RUVBL1: variants seen among roughly 807,000 people sequenced by gnomAD.
RUVBL1 encodes the protein RuvB like AAA ATPase 1.
A neutral mutation model predicts 52.4 loss-of-function variants in RUVBL1; 4 were observed. The observed-to-expected ratio is 0.08, with a 90% CI of 0.04 to 0.17. RUVBL1 has a LOEUF of 0.17. Ranked by LOEUF, RUVBL1 falls within the 10% of genes least tolerant of loss-of-function variation. The probability of loss-of-function intolerance (pLI) is 1.00; values close to 1 mark genes in which losing one functional copy is unlikely to be tolerated. For missense variants in RUVBL1, 298 were observed against 572.8 expected (o/e 0.52, Z 4.90); for synonymous variants, 217 against 214.4 (o/e 1.01, Z -0.10).
intron 3 of RUVBL1, among the ~76,000 whole-genome samples, chr3:128,105,690 G>A (rs960758966): frequency 1.3e-5 from 2 of 152,080 alleles, no homozygotes; most frequent in African/African-American, 4.8e-5. Flanking sequence ...TGAAACCTGA[G>A]CAGAACATAC....
intron 1 of RUVBL1, among the ~76,000 whole-genome samples, chr3:128,147,096 A>T (rs1365450884): frequency 6.6e-6 from 1 of 152,164 alleles, no homozygotes; most frequent in Non-Finnish European, 1.5e-5. Context: ...TATTGAGACA[A>T]GGTTTTGCTC....
chr3:128,143,068 A>G (rs938059560), intron 1 of RUVBL1, among the ~76,000 whole-genome samples: 1 of 151,166 alleles, frequency 6.6e-6, no homozygotes, highest in African/African-American at 2.4e-5. Flanking sequence ...GGCCTGAGCC[A>G]CAGTGCCCAG....
intron 1 of RUVBL1, among the ~76,000 whole-genome samples, chr3:128,131,063 G>A (rs1943870798): frequency 6.6e-6 from 1 of 151,994 alleles, no homozygotes. Flanking sequence ...AGGCTGTAGT[G>A]AGCTTTGATC....
chr3:128,153,687 G>A (rs560827533), exon 1 of RUVBL1: 2 of 1,591,954 alleles, frequency 1.3e-6, no homozygotes, highest in Non-Finnish European at 1.7e-6. Flanking sequence ...CGGTGCCGCT[G>A]CCCGCGCGCC....
chr3:128,119,376 T>C lies in RUVBL1; in HGVS notation c.180A>G (p.Lys60=). 6.2e-7 allele frequency: 1 copy of C among 1,614,004 alleles called. No homozygotes were observed. The highest frequency in any genetic ancestry group is 8.5e-7 in the Non-Finnish European group (1 of 1,179,948). Residue 60 remains lysine, a synonymous_variant, in exon 2 of 11, where the codon AAA becomes AAG. Transcript: ENST00000322623. ...CCAACAAGACAGCTCTTCCAGCCAT[T>C]TTCTTGCTTTTGATTAATTCTACTA... ...GVIVELIKSK[K]MAGRAVLLAG... is the part of the protein sequence containing the mutation.
chr3:128,118,307 T>C (rs942492421), intron 2 of RUVBL1, among the ~76,000 whole-genome samples: 12 of 152,144 alleles, frequency 7.9e-5, no homozygotes, highest in Non-Finnish European at 8.8e-5. Flanking sequence ...ATAGCACTTC[T>C]TCCTCTTGTA....
chr3:128,118,160 T>A (rs1943569248), intron 2 of RUVBL1, among the ~76,000 whole-genome samples: 3 of 151,972 alleles, frequency 2.0e-5, no homozygotes, highest in Admixed American at 2.0e-4. Flanking sequence ...AGCAAGCAAA[T>A]AAATGGTAAA....
intron 3 of RUVBL1, among the ~76,000 whole-genome samples, chr3:128,111,431 T>C (rs1257944826): frequency 6.6e-6 from 1 of 152,090 alleles, no homozygotes; most frequent in Non-Finnish European, 1.5e-5. Flanking sequence ...TGGCCAAACC[T>C]GGGAATTTTC....
chr3:128,098,819 G>T, intron 7 of RUVBL1, 63 bp downstream of exon 7: 1 of 1,376,446 alleles, frequency 7.3e-7, no homozygotes, highest in Non-Finnish European at 1.0e-6. Flanking sequence ...AGCCGCAAGA[G>T]CATCTCAGAA....
At chr3:128,075,790 G>A (rs1248915266) in intron 9 of RUVBL1, 1 of 152,248 alleles carries the variant, frequency 6.6e-6, no homozygotes, top group Non-Finnish European at 1.5e-5. Context: ...AGCTCCCGCG[G>A]GGTGCCTCGC....
In RUVBL1 at chr3:128,149,358, T is replaced by C. The variant is rs556725424; in HGVS notation, c.-40+3845A>G. Among the ~76,000 whole-genome samples the C allele has an allele frequency of 6.6e-5, 10 of 152,234 alleles. No individual in the cohort carries two copies. The South Asian group carries it at 2.1e-3, about 32-fold the overall frequency. ...CACCACCATGCCTGGCTAATTTTTG[T>C]ACTTTTAGTAGAGACGGGGTTTTGC... On this transcript the variant is annotated intron_variant, in intron 1 of 9. Coordinates refer to the RUVBL1 transcript ENST00000464873.
intron 3 of RUVBL1, among the ~76,000 whole-genome samples, chr3:128,109,314 G>A (rs560634639): frequency 6.6e-6 from 1 of 152,290 alleles, no homozygotes; most frequent in South Asian, 2.1e-4. Flanking sequence ...GTGGGGCCAA[G>A]GCAAAAGGAT....
intron 9 of RUVBL1, among the ~76,000 whole-genome samples, chr3:128,086,816 C>T (rs1942657253): frequency 6.6e-6 from 1 of 152,284 alleles, no homozygotes. Context: ...AAGCAAGAGG[C>T]AATTCCTACA....
intron 3 of RUVBL1, among the ~76,000 whole-genome samples, chr3:128,106,728 T>C (rs965493409): frequency 6.6e-6 from 1 of 152,186 alleles, no homozygotes; most frequent in Admixed American, 6.5e-5. Context: ...GCAGATACAT[T>C]TACATGTTCT....
Position 128,150,884 on chromosome 3 carries a change from T to TTATATATA in RUVBL1, c.-40+2318_-40+2319insTATATATA, listed in dbSNP as rs1222687206. ...ATATATTATATATATATATTCTATA[T>TTATATATA]ATATATTCTATATATATAATATAAT... On this transcript the variant is annotated intron_variant, in intron 1 of 9. Transcript: ENST00000464873. Among the ~76,000 whole-genome samples the TTATATATA allele has an allele frequency of 1.1e-3, 98 of 85,278 alleles. 3 individuals are homozygous for TTATATATA. The highest frequency in any genetic ancestry group is 2.6e-3 in the Admixed American group (13 of 4,964). 55.9% of individuals were successfully genotyped at this position (85,278 alleles called of 152,430 possible). A position where few individuals can be genotyped will look rare whatever the true frequency, so the allele number is the denominator to read the frequency against.
At chr3:128,105,214 T>C (rs1282266406) in intron 3 of RUVBL1, among the ~76,000 whole-genome samples, 1 of 149,904 alleles carries the variant, frequency 6.7e-6, no homozygotes, top group Non-Finnish European at 1.5e-5. Context: ...CCCGGTTCAC[T>C]CCATTCTCCT....
intron 1 of RUVBL1, among the ~76,000 whole-genome samples, chr3:128,150,917 A>ATT (rs1276281342): frequency 2.4e-5 from 2 of 84,446 alleles, no homozygotes; most frequent in African/African-American, 9.4e-5. Flanking sequence ...AATATTCTAT[A>ATT]TTATATATAT....
At position 128,081,186 on chromosome 3, in the gene RUVBL1, C is replaced by T. The variant is rs1942463122; in HGVS notation, c.*64G>A. On this transcript the variant is annotated 3_prime_UTR_variant, in exon 11 of 11. Coordinates refer to ENST00000322623, the MANE Select transcript of RUVBL1 (RefSeq NM_003707.3). This position sits in a 1 kb window ranked among gnomAD's most constrained non-coding sequence, Gnocchi z 4.8. Reference sequence around the variant, plus strand: ...CAGCCCCAAGCCCAGGGGCAAGCGCCCACAGGCTGGACCCAGGCCAGGCAC... The same window carrying T: ...CAGCCCCAAGCCCAGGGGCAAGCGCTCACAGGCTGGACCCAGGCCAGGCAC... The T allele has an allele frequency of 3.2e-6, 5 of 1,559,778 alleles. 1 individual carries two copies. In the Admixed American group the frequency reaches 5.2e-5, roughly 16 times the overall value.
At chr3:128,127,539 C>T (rs1021746724), upstream of RUVBL1, among the ~76,000 whole-genome samples, 6 of 134,530 alleles carry the variant, frequency 4.5e-5, no homozygotes, top group South Asian at 2.4e-4. Flanking sequence ...TTCTATCACA[C>T]CTGAACTTTG....
Sources: allele counts gnomAD v4.1 joint callset (sites outside exome capture counted in the v4.1 genomes callset), GRCh38; gene constraint gnomAD v4.1.1; non-coding constraint Gnocchi (gnomAD v3.1); transcripts MANE v1.5; gene names NCBI Gene and HGNC (gene_info 2026-07-23, HGNC 2026-07-21).